Variants in TMEM222 observed in about 807,000 individuals in gnomAD.
TMEM222 encodes the protein transmembrane protein 222.
TMEM222 carries 18 observed loss-of-function variants against 25.1 expected under a neutral mutation model. The ratio of observed to expected loss-of-function variants is 0.72; its 90% CI spans 0.50 to 1.06. The LOEUF is 1.06. Among genes scored for constraint, TMEM222 ranks in the 50% least tolerant of loss-of-function variants. The probability of loss-of-function intolerance (pLI) is 0.00; values close to 1 mark genes in which losing one functional copy is unlikely to be tolerated. For missense variants in TMEM222, 296 were observed against 293.7 expected (o/e 1.01, Z -0.06); for synonymous variants, 131 against 117.9 (o/e 1.11, Z -0.72).
Position 27,322,185 on chromosome 1 carries a change from G to A in TMEM222, c.-13G>A, listed in dbSNP as rs1339824561. ...ACCAGAGCCGGGGCCAGTCGGAGCG[G>A]GGCGCGCGCCGCATGGCGGAAGCGG... On this transcript the variant is annotated 5_prime_UTR_variant, in exon 1 of 6. Coordinates refer to ENST00000374076, the MANE Select transcript of TMEM222 (RefSeq NM_032125.3). 2 of 1,380,988 alleles carry A rather than the reference G, an allele frequency of 1.4e-6. No homozygotes were observed. Among genetic ancestry groups the A allele is most frequent in the South Asian group, 3.3e-5 (2 of 61,150 alleles). 85.5% of individuals were successfully genotyped at this position (1,380,988 alleles called of 1,614,324 possible). A position where few individuals can be genotyped will look rare whatever the true frequency, so the allele number is the denominator to read the frequency against.
At chr1:27,328,310 A>G (rs1051029630) in intron 1 of TMEM222, among the ~76,000 whole-genome samples, 1 of 152,194 alleles carries the variant, frequency 6.6e-6, no homozygotes, top group Non-Finnish European at 1.5e-5. Flanking sequence ...GGCCACAAGC[A>G]GGCAGTGTAG....
At chr1:27,335,323 C>T (rs376016012) in intron 5 of TMEM222, 56 bp from the exon 6 acceptor site, 48 of 1,563,994 alleles carry the variant, frequency 3.1e-5, no homozygotes, top group Middle Eastern at 1.7e-4. Flanking sequence ...GGCTGCGGGC[C>T]GCATGCCTGC....
chr1:27,332,896 G>A, intron 3 of TMEM222: 1 of 292,848 alleles, frequency 3.4e-6, no homozygotes, highest in Non-Finnish European at 6.7e-6. Context: ...TAGCCCCTAA[G>A]CGGCCCCAGT....
chr1:27,325,728 C>G (rs184425743), intron 1 of TMEM222: 483 of 891,908 alleles, frequency 5.4e-4, no homozygotes, highest in East Asian at 4.7e-3. Context: ...CACCTTCCAG[C>G]AGATGTGGAT....
In TMEM222 at chr1:27,325,767, C is replaced by T. The variant is rs372610904; in HGVS notation, c.194+3376C>T. ...CAAGCAGGAGTATGACGAGTCAGGC[C>T]CCTGTATCGTCCACCGCAAATGCTT... is the stretch of plus-strand genomic sequence containing the variant. On this transcript the variant is annotated intron_variant, in intron 1 of 5. Transcript: ENST00000374076. The T allele has an allele frequency of 9.5e-6, 8 of 841,754 alleles. No individual in the cohort carries two copies. The East Asian group carries it at 1.2e-4, about 13-fold the overall frequency. 52.1% of individuals were successfully genotyped at this position (841,754 alleles called of 1,614,324 possible).
Position 27,330,824 on chromosome 1 carries a change from A to C in TMEM222, c.279+20A>C, listed in dbSNP as rs2014460862. 1.2e-6 allele frequency: 2 copies of C among 1,613,156 alleles called. No individual in the cohort carries two copies. The highest frequency in any genetic ancestry group is 1.7e-6 in the Non-Finnish European group (2 of 1,179,400). ...GTCTCAGTGAGTCCCCATTCTGCCC[A>C]CCCGGGGGGTTCCAAGGTTTAAGTG... On this transcript the variant is annotated intron_variant, in intron 2 of 5. Transcript: ENST00000374076.
rs2014218423 is a variant in TMEM222 at position 27,322,258 on chromosome 1, A to T, written c.61A>T (p.Met21Leu). The change falls in exon 1 of 6, where the codon ATG becomes TTG. Residue 21 changes from methionine to leucine, a missense_variant. By Grantham distance (15) the Met-to-Leu change is conservative. Coordinates refer to ENST00000374076, the MANE Select transcript of TMEM222 (RefSeq NM_032125.3). ...LLPPPPPPPR[M>L]AEVEAPTAAE... ...GCCGCCGCCGCCACCCCCGCCCAGG[A>T]TGGCGGAAGTGGAGGCGCCGACGGC... 6.5e-7 allele frequency: 1 copy of T among 1,538,470 alleles called. No homozygotes were observed.
chr1:27,332,391 A>G (rs1265163546), intron 3 of TMEM222: 3 of 717,786 alleles, frequency 4.2e-6, no homozygotes, highest in South Asian at 1.5e-5. Flanking sequence ...GACTTGGTCA[A>G]GGTCACACAG....
chr1:27,332,781 T>C (rs2014511494), intron 3 of TMEM222: 3 of 502,052 alleles, frequency 6.0e-6, no homozygotes, highest in Non-Finnish European at 1.1e-5. Flanking sequence ...CCTCTCTGGC[T>C]TCCTCCGGCA....
chr1:27,331,081 A>G (rs1198821695), intron 2 of TMEM222: 4 of 1,345,408 alleles, frequency 3.0e-6, no homozygotes, highest in Admixed American at 3.4e-5. Context: ...GGTAGGGATT[A>G]GAGGCAAGAG....
chr1:27,323,221 C>T (rs938925404), intron 1 of TMEM222, among the ~76,000 whole-genome samples: 3 of 152,150 alleles, frequency 2.0e-5, no homozygotes, highest in African/African-American at 4.8e-5. Flanking sequence ...TGATCAGGTT[C>T]GCACCCCAAT....
chr1:27,323,413 TG>T (rs2014258478), intron 1 of TMEM222, among the ~76,000 whole-genome samples: 1 of 152,250 alleles, frequency 6.6e-6, no homozygotes, highest in Non-Finnish European at 1.5e-5. Context: ...TTTTGAATTA[TG>T]TTAAAATACT....
intron 1 of TMEM222, among the ~76,000 whole-genome samples, chr1:27,329,550 T>C (rs1308076849): frequency 1.3e-5 from 2 of 152,260 alleles, no homozygotes; most frequent in African/African-American, 2.4e-5. Flanking sequence ...GAAGTGACAC[T>C]GTTTTTCATT....
chr1:27,333,900 G>A (rs1317059428), intron 3 of TMEM222, 58 bp from the exon 4 acceptor site: 17 of 1,518,496 alleles, frequency 1.1e-5, no homozygotes, highest in South Asian at 7.0e-5. Context: ...GAGGACGTGC[G>A]TAGAGCTGAG....
chr1:27,328,090 C>T (rs973831867), intron 1 of TMEM222, among the ~76,000 whole-genome samples: 1 of 152,124 alleles, frequency 6.6e-6, no homozygotes, highest in Non-Finnish European at 1.5e-5. Flanking sequence ...GTAGTAGATA[C>T]TATGAGGGAA....
At chr1:27,325,593 ATC>A in intron 1 of TMEM222, 1 of 984,810 alleles carries the variant, frequency 1.0e-6, no homozygotes, top group South Asian at 1.3e-5. Context: ...GTACCCGGGC[ATC>A]ACCGACAGGA....
At chr1:27,324,364 G>T (rs1006203724) in intron 1 of TMEM222, among the ~76,000 whole-genome samples, 5 of 152,220 alleles carry the variant, frequency 3.3e-5, no homozygotes, top group Non-Finnish European at 7.3e-5. Flanking sequence ...CTCAGGAAAT[G>T]TATTGGTTTT....
intron 1 of TMEM222, among the ~76,000 whole-genome samples, chr1:27,328,757 GT>G (rs2014411167): frequency 1.3e-5 from 2 of 152,192 alleles, no homozygotes; most frequent in Admixed American, 1.3e-4. Flanking sequence ...ACAGGTCAAG[GT>G]TAAAAGTCAC....
chr1:27,335,132 C>G, intron 5 of TMEM222: 1 of 565,208 alleles, frequency 1.8e-6, no homozygotes, highest in East Asian at 2.9e-5. Context: ...TGTTCCCAAC[C>G]AGCGAGGTGT....
Sources: gnomAD v4.1 joint callset for allele counts (sites outside exome capture counted in the v4.1 genomes callset) on GRCh38, gnomAD v4.1.1 for gene constraint, MANE v1.5 for transcripts, NCBI Gene and HGNC (gene_info 2026-07-23, HGNC 2026-07-21) for gene names.